LILRA5: variants seen among roughly 807,000 people sequenced by gnomAD.
The protein encoded by LILRA5 is leukocyte immunoglobulin like receptor A5.
In LILRA5, 31 loss-of-function variants were observed where a neutral mutation model predicts 36.3. That is an observed-to-expected ratio of 0.85 (90% confidence interval 0.64 to 1.15). The LOEUF (loss-of-function observed/expected upper bound fraction) is 1.15, where lower values mean the gene tolerates loss of function less well. Ranked by LOEUF, LILRA5 falls within the 50% of genes most tolerant of loss-of-function variation. The probability of loss-of-function intolerance (pLI) is 0.00; values close to 1 mark genes in which losing one functional copy is unlikely to be tolerated. For missense variants in LILRA5, 348 were observed against 377.4 expected (o/e 0.92, Z 0.64); for synonymous variants, 144 against 144.8 (o/e 0.99, Z 0.04).
intron 5 of LILRA5, chr19:54,308,182 G>C: frequency 5.9e-6 from 1 of 169,030 alleles, no homozygotes; most frequent in Non-Finnish European, 1.3e-5. Context: ...GCTCCTGAAA[G>C]TCAGAATCAC....
chr19:54,311,976 G>A lies in LILRA5; in HGVS notation c.297C>T (p.Ala99=), dbSNP rs200954286. 9 of 1,614,046 alleles carry A rather than the reference G, an allele frequency of 5.6e-6. No homozygotes were observed. Among genetic ancestry groups the A allele is most frequent in the Non-Finnish European group, 7.6e-6 (9 of 1,180,020 alleles). The change falls in exon 4 of 7, where the codon GCC becomes GCT. Residue 99 remains alanine (A), a synonymous_variant. Coordinates refer to ENST00000432233, the MANE Select transcript of LILRA5 (RefSeq NM_021250.4). ...CTGTCATGGATGGGATGGAGAATCT[G>A]GCCTTGTTCTTGGGCTCCAGTGGGT... ...TQNPLEPKNK[A]RFSIPSMTEH... is the part of the protein sequence containing the mutation.
At chr19:54,310,833 G>T in intron 5 of LILRA5, 1 of 248,692 alleles carries the variant, frequency 4.0e-6, no homozygotes, top group Non-Finnish European at 8.4e-6. Context: ...CCACAACAGG[G>T]CCCTGCGGGG....
In LILRA5 at chr19:54,307,242, CAAAAAA is replaced by C. The variant is rs10573769; in HGVS notation, c.*165_*170del. The C allele has an allele frequency of 4.1e-3, 473 of 115,624 alleles. 1 individual carries two copies. The East Asian group carries it at 0.066, about 16-fold the overall frequency. 7.2% of individuals were successfully genotyped at this position (115,624 alleles called of 1,614,324 possible). A position where few individuals can be genotyped will look rare whatever the true frequency, so the allele number is the denominator to read the frequency against. On this transcript the variant is annotated 3_prime_UTR_variant, in exon 7 of 7. Coordinates refer to ENST00000432233, the MANE Select transcript of LILRA5 (RefSeq NM_021250.4). ...CTGGTGACAGAGCAAGACTCCATCT[CAAAAAA>C]AAAAAAAAAAAAAAAAAAGAAAGAA...
chr19:54,311,571 C>T lies in LILRA5; in HGVS notation c.555G>A (p.Leu185=), dbSNP rs747420725. Residue 185 remains leucine, a synonymous_variant, in exon 5 of 7, where the codon TTG becomes TTA. Coordinates refer to ENST00000432233, the MANE Select transcript of LILRA5 (RefSeq NM_021250.4). ...GCCCACTGGGGGTCAGCTGTGAGTC[C>T]AAGGTCCAGGAGAGCTTGTGGTCTC... is the stretch of plus-strand genomic sequence containing the variant. ...EEGDHKLSWT[L]DSQLTPSGQF... 6.2e-7 allele frequency: 1 copy of T among 1,614,160 alleles called. No homozygotes were observed. Among genetic ancestry groups the T allele is most frequent in the South Asian group, 1.1e-5 (1 of 91,088 alleles).
chr19:54,308,045 A>T, intron 5 of LILRA5: 1 of 428,320 alleles, frequency 2.3e-6, no homozygotes, highest in Non-Finnish European at 4.3e-6. Context: ...GAAGTCACTG[A>T]GCCCTTTGTG....
At chr19:54,311,117 A>G (rs577277778) in intron 5 of LILRA5, 39 of 500,180 alleles carry the variant, frequency 7.8e-5, no homozygotes, top group Non-Finnish European at 1.2e-4. Flanking sequence ...CGCCACGCCC[A>G]GCTAATTTTT....
Position 54,311,655 on chromosome 19 carries a change from G to T in LILRA5, c.471C>A (p.Asn157Lys), listed in dbSNP as rs778239036. The T allele has an allele frequency of 1.2e-6, 2 of 1,614,180 alleles. No individual in the cohort carries two copies. Among genetic ancestry groups the T allele is most frequent in the Non-Finnish European group, 1.7e-6 (2 of 1,180,024 alleles). The change falls in exon 5 of 7, where the codon AAC (asparagine) becomes AAA (lysine). Residue 157 changes from asparagine to lysine, a missense_variant. By Grantham distance (94) the Asn-to-Lys change is moderately conservative (BLOSUM62 0). Transcript: ENST00000432233. ...GCCGTGAGCCACACTGGAGGGTCAC[G>T]TTCTCTCCTGAGGTCACCACAGGAC... is the stretch of plus-strand genomic sequence containing the variant. Reference protein sequence around the residue: ...LPSPVVTSGENVTLQCGSRLR... With the variant: ...LPSPVVTSGEKVTLQCGSRLR...
Position 54,307,283 on chromosome 19 carries a change from A to G in LILRA5, c.*130T>C, listed in dbSNP as rs181563983. 128 of 787,108 alleles carry G rather than the reference A, an allele frequency of 1.6e-4. No homozygotes were observed. The African/African-American group carries it at 1.8e-3, about 11-fold the overall frequency. The allele number at this position is 787,108 out of a possible 1,614,324, so 48.8% of individuals were successfully genotyped here. A position where few individuals can be genotyped will look rare whatever the true frequency, so the allele number is the denominator to read the frequency against. ...AAAAAAAAAGAAAGAAAAGAAAAGAAAGAAAAAAAGAAATTGCCAGCAGAC... is the reference window on the plus strand; with the variant it reads ...AAAAAAAAAGAAAGAAAAGAAAAGAGAGAAAAAAAGAAATTGCCAGCAGAC... On this transcript the variant is annotated 3_prime_UTR_variant, in exon 7 of 7. Transcript: ENST00000432233.
In LILRA5 at chr19:54,311,546, G is replaced by A. The variant is rs1254111648; in HGVS notation, c.580C>T (p.Gln194Ter). ...TLDSQLTPSG[Q>*]FQALFPVGPV... is the part of the protein sequence containing the mutation. ...CCCACAGGGAACAGGGCCTGGAACT[G>A]CCCACTGGGGGTCAGCTGTGAGTCC... The change falls in exon 5 of 7, where the codon CAG becomes TAG. Residue 194 changes from glutamine (Q) to a stop codon, truncating the protein, a stop_gained. Coordinates refer to ENST00000432233, the MANE Select transcript of LILRA5 (RefSeq NM_021250.4). LOFTEE classifies it high-confidence loss of function. 3.7e-6 allele frequency: 6 copies of A among 1,614,180 alleles called. No individual in the cohort carries two copies. The highest frequency in any genetic ancestry group is 5.1e-6 in the Non-Finnish European group (6 of 1,180,022).
At chr19:54,312,834 G>T in intron 1 of LILRA5, 183 bp downstream of exon 1, 2 of 816,702 alleles carry the variant, frequency 2.4e-6, no homozygotes, top group Non-Finnish European at 3.9e-6. Context: ...CCTTCCCCGG[G>T]CCACTGTCTG....
intron 5 of LILRA5, chr19:54,309,518 A>G (rs1015963626): frequency 2.3e-5 from 2 of 88,494 alleles, no homozygotes; most frequent in Non-Finnish European, 5.8e-5. Context: ...CAAATACTTC[A>G]CTTAAGAATA....
intron 5 of LILRA5, chr19:54,309,579 A>G (rs2080969163): frequency 6.6e-6 from 1 of 152,258 alleles, no homozygotes; most frequent in African/African-American, 2.4e-5. Context: ...ATTCTTATGA[A>G]CGGAACTTGA....
rs1408459223 is a variant in LILRA5, at chr19:54,311,974, C to T, written c.299G>A (p.Arg100Lys). The T allele has an allele frequency of 1.2e-5, 20 of 1,614,190 alleles. No individual in the cohort carries two copies. The highest frequency in any genetic ancestry group is 1.6e-5 in the Non-Finnish European group (19 of 1,180,010). The change falls in exon 4 of 7, where the codon AGA becomes AAA. Residue 100 changes from arginine to lysine, a missense_variant. Coordinates refer to ENST00000432233, the MANE Select transcript of LILRA5 (RefSeq NM_021250.4). ...QNPLEPKNKA[R>K]FSIPSMTEHH... ...CTCTGTCATGGATGGGATGGAGAAT[C>T]TGGCCTTGTTCTTGGGCTCCAGTGG... is the stretch of plus-strand genomic sequence containing the variant.
intron 5 of LILRA5, chr19:54,309,299 C>T (rs111235068): frequency 1.3e-5 from 2 of 152,136 alleles, no homozygotes; most frequent in African/African-American, 4.8e-5. Flanking sequence ...CCCATCTCTA[C>T]TAAAAATACA....
intron 5 of LILRA5, 147 bp downstream of exon 5, chr19:54,311,267 T>G: frequency 6.4e-7 from 1 of 1,567,306 alleles, no homozygotes; most frequent in Admixed American, 1.8e-5. Context: ...TTGCTTTGTT[T>G]TCCTCACCCT....
intron 5 of LILRA5, chr19:54,308,335 G>GTA (rs1258408192): frequency 1.7e-5 from 1 of 57,876 alleles, no homozygotes; most frequent in Non-Finnish European, 4.5e-5. Context: ...GTGTGTGTGT[G>GTA]TATATATATG....
intron 5 of LILRA5, chr19:54,308,363 ATATATATATATATATATATAT>A (rs2080932056): frequency 1.3e-4 from 2 of 15,900 alleles, no homozygotes; most frequent in Non-Finnish European, 2.3e-4. Context: ...AAATATATAT[ATATATATATATATATATATAT>A]ATATATATAT....
At position 54,311,335 on chromosome 19, in the gene LILRA5, G is replaced by C. The variant is rs751434857; in HGVS notation, c.712+79C>G. The C allele has an allele frequency of 4.3e-6, 7 of 1,613,004 alleles. No individual in the cohort carries two copies. The African/African-American group carries it at 9.3e-5, about 22-fold the overall frequency. On this transcript the variant is annotated intron_variant, in intron 5 of 6. Coordinates refer to ENST00000432233, the MANE Select transcript of LILRA5 (RefSeq NM_021250.4). The stretch of plus-strand genomic sequence containing the variant: ...TTCCCCTTTTTGTCTTTCTTAGCAG[G>C]GGCTGCCCTGCCTGTAAAGCTCTCC...
At chr19:54,312,261 C>G in intron 3 of LILRA5, 74 bp downstream of exon 3, 2 of 1,613,314 alleles carry the variant, frequency 1.2e-6, no homozygotes, top group Non-Finnish European at 1.7e-6. Context: ...GCGGTCTTCA[C>G]CCCCAGCTGC....
Sources: allele counts gnomAD v4.1 joint callset, GRCh38; gene constraint gnomAD v4.1.1; transcripts MANE v1.5; gene names NCBI Gene and HGNC (gene_info 2026-07-23, HGNC 2026-07-21).